Variants in METTL21A observed in about 807,000 individuals in gnomAD.
METTL21A encodes the protein protein N-lysine methyltransferase METTL21A.
Under a neutral mutation model 20.9 loss-of-function variants are expected in METTL21A, and 22 were observed. The ratio of observed to expected loss-of-function variants is 1.05; its 90% confidence interval spans 0.75 to 1.50. The LOEUF (loss-of-function observed/expected upper bound fraction) is 1.50, where lower values mean the gene tolerates loss of function less well. Among genes scored for constraint, METTL21A ranks in the 40% most tolerant of loss-of-function variants. The pLI is 0.00. For missense variants in METTL21A, 271 were observed against 266.8 expected, an observed-to-expected ratio of 1.02 and a Z score of -0.11; for synonymous variants, 93 against 102.0, an observed-to-expected ratio of 0.91 and a Z score of 0.53.
chr2:207,586,340 A>G (rs920684235), intron 3 of METTL21A, among the ~76,000 whole-genome samples: 6 of 152,186 alleles, frequency 3.9e-5, no homozygotes, highest in African/African-American at 9.6e-5. Flanking sequence ...TCTTCAATCA[A>G]TGGTATTGGG....
At chr2:207,613,165 C>A (rs2089209453) in exon 4 of METTL21A, 1 of 1,613,928 alleles carries the variant, frequency 6.2e-7, no homozygotes, top group Admixed American at 1.7e-5. Context: ...AAGTTGTTAT[C>A]CCGTTCATAG....
chr2:207,623,197 C>A (rs959007287), intron 2 of METTL21A, among the ~76,000 whole-genome samples: 1 of 152,218 alleles, frequency 6.6e-6, no homozygotes, highest in Admixed American at 6.5e-5. Flanking sequence ...AGCCACCACA[C>A]CAGGCCTATA....
chr2:207,624,092 C>T lies in METTL21A; in HGVS notation c.147+137G>A. 8.5e-6 allele frequency: 9 copies of T among 1,064,526 alleles called. No homozygotes were observed. The South Asian group carries it at 1.3e-4, about 16-fold the overall frequency. The allele number at this position is 1,064,526 out of a possible 1,614,324, so 65.9% of individuals were successfully genotyped here. On this transcript the variant is annotated intron_variant, in intron 2 of 3. Transcript: ENST00000406927. ...AATATACTGTATTTTTAAAACCGCA[C>T]TGAATTGTGCACTTTAAATAGGTAA... is the stretch of plus-strand genomic sequence containing the variant.
chr2:207,613,221 T>C, exon 4 of METTL21A: 1 of 1,613,726 alleles, frequency 6.2e-7, no homozygotes, highest in Admixed American at 1.7e-5. Flanking sequence ...GCTACAGAGA[T>C]GTTCCAGTGT....
At chr2:207,588,896 G>T (rs989959941) in intron 3 of METTL21A, among the ~76,000 whole-genome samples, 4 of 140,370 alleles carry the variant, frequency 2.8e-5, no homozygotes, top group African/African-American at 5.2e-5. Flanking sequence ...TGTCGGGGGG[G>T]GTGTAGATTC....
downstream of METTL21A, among the ~76,000 whole-genome samples, chr2:207,604,983 CAGTTG>C (rs1424536544): frequency 6.6e-6 from 1 of 152,106 alleles, no homozygotes; most frequent in African/African-American, 2.4e-5. Flanking sequence ...TCGATTCATC[CAGTTG>C]AGTTGTTTCT....
chr2:207,605,065 C>T (rs989038961), downstream of METTL21A, among the ~76,000 whole-genome samples: 3 of 152,136 alleles, frequency 2.0e-5, no homozygotes, highest in Non-Finnish European at 4.4e-5. Context: ...TCCGTGTTTT[C>T]AATTATTTGG....
intron 2 of METTL21A, among the ~76,000 whole-genome samples, chr2:207,622,898 C>T (rs1035982073): frequency 6.6e-6 from 1 of 151,792 alleles, no homozygotes; most frequent in East Asian, 1.9e-4. Flanking sequence ...TCCCATTCCT[C>T]GTTATTATTT....
chr2:207,581,727 T>C, exon 4 of METTL21A: 1 of 607,834 alleles, frequency 1.6e-6, no homozygotes, highest in Admixed American at 2.9e-5. Context: ...TTATCAAAAA[T>C]AAAAGTACAT....
At chr2:207,597,357 G>C (rs2086344443) in intron 3 of METTL21A, 1 of 302,912 alleles carries the variant, frequency 3.3e-6, no homozygotes, top group Non-Finnish European at 6.0e-6. Context: ...AAATTGATGG[G>C]AGAAATGAGG....
downstream of METTL21A, chr2:207,609,424 A>G (rs1186336783): frequency 1.3e-5 from 2 of 152,216 alleles, no homozygotes; most frequent in Non-Finnish European, 2.9e-5. Flanking sequence ...CCCAAAGTCA[A>G]TGCCCTTTAA....
At chr2:207,596,537 G>A (rs557944633) in intron 3 of METTL21A, among the ~76,000 whole-genome samples, 5 of 152,174 alleles carry the variant, frequency 3.3e-5, no homozygotes, top group East Asian at 3.9e-4. Context: ...AGGTTCAAGC[G>A]ATGCCCATGG....
At chr2:207,615,060 A>T (rs1215440628) in intron 3 of METTL21A, among the ~76,000 whole-genome samples, 1 of 152,226 alleles carries the variant, frequency 6.6e-6, no homozygotes, top group East Asian at 1.9e-4. Flanking sequence ...GATACTGATG[A>T]AAATGCTCAA....
Position 207,600,885 on chromosome 2 carries a change from G to C in METTL21A, c.260-18725C>G, listed in dbSNP as rs562809747. The C allele has an allele frequency of 3.0e-5, 6 of 203,008 alleles. No individual in the cohort carries two copies. The South Asian group carries it at 1.1e-3, about 39-fold the overall frequency. The allele number at this position is 203,008 out of a possible 1,614,324, so 12.6% of individuals were successfully genotyped here. A position where few individuals can be genotyped will look rare whatever the true frequency, so the allele number is the denominator to read the frequency against. ...GGAAGAAATACGTTTGTTTAAACCA[G>C]GATGCTTTACTTACTTGAAGTGACT... is the stretch of plus-strand genomic sequence containing the variant. On this transcript the variant is annotated intron_variant, in intron 3 of 3. Transcript: ENST00000425132.
At chr2:207,615,953 T>A (rs555248568) in intron 3 of METTL21A, among the ~76,000 whole-genome samples, 1 of 152,208 alleles carries the variant, frequency 6.6e-6, no homozygotes, top group East Asian at 1.9e-4. Context: ...TTTGCCATGT[T>A]GTCCAGGCTG....
At chr2:207,622,161 ATTTT>A (rs11326646) in intron 2 of METTL21A, among the ~76,000 whole-genome samples, 2 of 122,316 alleles carry the variant, frequency 1.6e-5, no homozygotes, top group Non-Finnish European at 3.4e-5. Flanking sequence ...GGAAAGCTTA[ATTTT>A]TTTTTTTTTT....
chr2:207,613,589 T>A, intron 3 of METTL21A, 146 bp from the exon 4 acceptor site: 1 of 719,042 alleles, frequency 1.4e-6, no homozygotes, highest in Non-Finnish European at 2.1e-6. Flanking sequence ...ACAGCTGCAA[T>A]AGAAAAATGA....
At chr2:207,616,191 A>C (rs147865177) in intron 3 of METTL21A, among the ~76,000 whole-genome samples, 3,087 of 152,324 alleles carry the variant, frequency 0.02, 42 homozygotes, top group Non-Finnish European at 0.03. Flanking sequence ...TTTAAAAAAA[A>C]AAAAATGCAG....
chr2:207,618,446 T>C (rs1441023427), intron 3 of METTL21A, among the ~76,000 whole-genome samples: 1 of 152,108 alleles, frequency 6.6e-6, no homozygotes, highest in Non-Finnish European at 1.5e-5. Context: ...AAGATAATTA[T>C]AACAATATAC....
Sources: gnomAD v4.1 joint callset for allele counts (sites outside exome capture counted in the v4.1 genomes callset) on GRCh38, gnomAD v4.1.1 for gene constraint, MANE v1.5 for transcripts, NCBI Gene and HGNC (gene_info 2026-07-23, HGNC 2026-07-21) for gene names.